Variants in THSD7B observed in about 807,000 individuals in gnomAD.
The protein encoded by THSD7B is thrombospondin type-1 domain-containing protein 7B.
Under a neutral mutation model 213.6 loss-of-function variants are expected in THSD7B, and 138 were observed. The observed-to-expected ratio is 0.65, with a 90% CI of 0.56 to 0.74. The LOEUF (loss-of-function observed/expected upper bound fraction) is 0.74. THSD7B is among the 30% of genes least tolerant of loss of function. The probability of loss-of-function intolerance (pLI) is 0.00; values close to 1 mark genes in which losing one functional copy is unlikely to be tolerated. For synonymous variants in THSD7B, 742 were observed against 687.0 expected, an observed-to-expected ratio of 1.08 and a Z score of -1.25; for missense variants, 1,931 against 1,991.5, an observed-to-expected ratio of 0.97 and a Z score of 0.58.
intron 2 of THSD7B, among the ~76,000 whole-genome samples, chr2:136,970,946 C>A (rs182255548): frequency 6.6e-6 from 1 of 152,194 alleles, no homozygotes; most frequent in Admixed American, 6.5e-5. Context: ...CTTAAACATA[C>A]AATAAAGCCA....
intron 17 of THSD7B, among the ~76,000 whole-genome samples, chr2:137,592,239 A>G (rs2104814644): frequency 6.6e-6 from 1 of 152,022 alleles, no homozygotes; most frequent in Admixed American, 6.6e-5. Context: ...TAAACCTTGC[A>G]TATCAAAAAA....
intron 3 of THSD7B, among the ~76,000 whole-genome samples, chr2:137,073,932 G>T (rs1274833892): frequency 6.6e-6 from 1 of 152,208 alleles, no homozygotes; most frequent in Non-Finnish European, 1.5e-5. Context: ...TAGTTTGATT[G>T]CACTGTGGTC....
At chr2:136,911,553 C>T (rs1684257884) in intron 2 of THSD7B, among the ~76,000 whole-genome samples, 1 of 152,214 alleles carries the variant, frequency 6.6e-6, no homozygotes, top group Admixed American at 6.5e-5. Flanking sequence ...CTTAGACATA[C>T]TCCTACCTAG....
chr2:137,122,376 T>C (rs537529535), intron 5 of THSD7B, among the ~76,000 whole-genome samples: 25 of 74,636 alleles, frequency 3.3e-4, no homozygotes, highest in Admixed American at 1.1e-3. Context: ...TAGGGTAGGT[T>C]TGGGGTAAGA....
At chr2:137,091,620 C>A (rs1338307674) in intron 3 of THSD7B, among the ~76,000 whole-genome samples, 1 of 152,026 alleles carries the variant, frequency 6.6e-6, no homozygotes, top group Non-Finnish European at 1.5e-5. Flanking sequence ...CTCTCCTTGG[C>A]TTGTAGATGG....
chr2:137,565,937 C>T (rs967750818), intron 16 of THSD7B, among the ~76,000 whole-genome samples: 1 of 152,144 alleles, frequency 6.6e-6, no homozygotes, highest in African/African-American at 2.4e-5. Context: ...CACATTCAAC[C>T]CACTGAGGTA....
At chr2:137,616,452 T>C in intron 18 of THSD7B, 136 bp downstream of exon 18, 1 of 699,942 alleles carries the variant, frequency 1.4e-6, no homozygotes. Flanking sequence ...CCTGAGGACT[T>C]CATGTTTCTA....
At chr2:137,084,055 C>A (rs1687793840) in intron 3 of THSD7B, among the ~76,000 whole-genome samples, 1 of 151,834 alleles carries the variant, frequency 6.6e-6, no homozygotes, top group Admixed American at 6.6e-5. Flanking sequence ...GGACTTTACT[C>A]TTATGTTATT....
intron 6 of THSD7B, 74 bp downstream of exon 6, chr2:137,160,442 T>G: frequency 6.6e-7 from 1 of 1,524,476 alleles, no homozygotes; most frequent in Non-Finnish European, 8.9e-7. Context: ...AAGTCACTGA[T>G]TAAGCCTGCT....
rs553660781 is a variant in THSD7B, at chr2:137,135,542, C to T, written c.1369+20249C>T. Among the ~76,000 whole-genome samples the T allele has an allele frequency of 4.6e-4, 70 of 152,278 alleles. 1 individual carries two copies. The highest frequency in any genetic ancestry group is 1.7e-3 in the African/African-American group (70 of 41,554). ...GAAGCCTACACATTAAAATTCTTAACAGATTTAGCCCATGGCTTTTCTGTG... is the reference window on the plus strand; with the variant it reads ...GAAGCCTACACATTAAAATTCTTAATAGATTTAGCCCATGGCTTTTCTGTG... On this transcript the variant is annotated intron_variant, in intron 5 of 27. Transcript: ENST00000409968.
chr2:136,873,938 A>G (rs1285739131), intron 1 of THSD7B, among the ~76,000 whole-genome samples: 1 of 152,152 alleles, frequency 6.6e-6, no homozygotes, highest in Admixed American at 6.5e-5. Flanking sequence ...ACCCAGCTTG[A>G]CACTTGTTTG....
At chr2:137,621,790 T>C (rs965520270) in intron 20 of THSD7B, among the ~76,000 whole-genome samples, 2 of 152,226 alleles carry the variant, frequency 1.3e-5, no homozygotes, top group Admixed American at 6.5e-5. Flanking sequence ...CTGAGGCTGG[T>C]TAATTTATGA....
At chr2:136,891,624 C>T (rs1683861460) in intron 2 of THSD7B, among the ~76,000 whole-genome samples, 2 of 152,188 alleles carry the variant, frequency 1.3e-5, no homozygotes, top group East Asian at 1.9e-4. Context: ...GTCCATTCAG[C>T]CAGGCACCTT....
intron 15 of THSD7B, among the ~76,000 whole-genome samples, chr2:137,535,054 T>C (rs1680475774): frequency 6.6e-6 from 1 of 151,852 alleles, no homozygotes; most frequent in African/African-American, 2.4e-5. Context: ...TTTATTTAAC[T>C]TGATGGTCTT....
At chr2:136,913,885 C>T (rs190507782) in intron 2 of THSD7B, among the ~76,000 whole-genome samples, 28 of 152,322 alleles carry the variant, frequency 1.8e-4, no homozygotes, top group African/African-American at 6.7e-4. Context: ...GTTGGAGCCC[C>T]CATGCAGAGT....
At position 136,853,584 on chromosome 2, in the gene THSD7B, AC is replaced by A. The variant is rs368795332; in HGVS notation, c.-35-28558del. On this transcript the variant is annotated intron_variant, in intron 1 of 27. Coordinates refer to ENST00000409968, the MANE Select transcript of THSD7B (RefSeq NM_001316349.2). The stretch of plus-strand genomic sequence containing the variant: ...TCAAGATGGTGCCTCTACATACTTT[AC>A]CTTTAAAATGACCTCTTTACCTTTG... Among the ~76,000 whole-genome samples, 135 of 152,184 alleles carry A rather than the reference AC, an allele frequency of 8.9e-4. 5 individuals are homozygous for A. The East Asian group carries it at 0.021, about 23-fold the overall frequency.
In THSD7B at chr2:137,160,239, T is replaced by C. The variant is rs990909833; in HGVS notation, c.1396T>C (p.Cys466Arg). Residue 466 changes from cysteine to arginine, a missense_variant, in exon 6 of 28, where the codon TGT becomes CGT. Coordinates refer to ENST00000409968, the MANE Select transcript of THSD7B (RefSeq NM_001316349.2). Reference protein sequence around the residue: ...EVSRPVEKALCVGPAPLPSQL... With the variant: ...EVSRPVEKALRVGPAPLPSQL... ...CTCTAGACCTGTGGAAAAGGCATTA[T>C]GTGTGGGACCCGCCCCGTTGCCCTC... is the stretch of plus-strand genomic sequence containing the variant. The C allele has an allele frequency of 1.2e-6, 2 of 1,613,422 alleles. No homozygotes were observed. Among genetic ancestry groups the C allele is most frequent in the African/African-American group, 1.3e-5 (1 of 74,922 alleles).
Position 136,826,407 on chromosome 2 carries a change from G to A in THSD7B, c.-35-55737G>A, listed in dbSNP as rs187105165. Among the ~76,000 whole-genome samples the A allele has an allele frequency of 9.1e-4, 139 of 152,228 alleles. 1 individual carries two copies. The highest frequency in any genetic ancestry group is 1.4e-3 in the Non-Finnish European group (96 of 68,026). ...TCTTTTCCCTGAAGGGTGCTGCTCC[G>A]TGCTGAGCCTCTGATTTCTTGTTCA... On this transcript the variant is annotated intron_variant, in intron 1 of 27. Coordinates refer to ENST00000409968, the MANE Select transcript of THSD7B (RefSeq NM_001316349.2).
chr2:137,372,626 A>T (rs1222265707), intron 12 of THSD7B, among the ~76,000 whole-genome samples: 1 of 152,040 alleles, frequency 6.6e-6, no homozygotes, highest in Non-Finnish European at 1.5e-5. Flanking sequence ...TTGTCTGGAG[A>T]ATTGAAGTCA....
Sources: gnomAD v4.1 joint callset for allele counts (sites outside exome capture counted in the v4.1 genomes callset) on GRCh38, gnomAD v4.1.1 for gene constraint, MANE v1.5 for transcripts, NCBI Gene and HGNC (gene_info 2026-07-23, HGNC 2026-07-21) for gene names.